The following MYO6 variants were observed in gnomAD, a reference collection of about 807,000 sequenced individuals.
MYO6 encodes myosin VI, also known as unconventional myosin-VI.
A neutral mutation model predicts 178.7 loss-of-function variants in MYO6; 74 were observed. The ratio of observed to expected loss-of-function variants is 0.41; its 90% CI spans 0.34 to 0.50. MYO6 has a LOEUF of 0.50. MYO6 is among the 20% of genes least tolerant of loss of function. The probability of loss-of-function intolerance (pLI) is 0.09; values close to 1 mark genes in which losing one functional copy is unlikely to be tolerated. For synonymous variants in MYO6, 477 were observed against 504.6 expected (o/e 0.95, Z 0.73); for missense variants, 1,330 against 1,547.4 (o/e 0.86, Z 2.36).
At chr6:75,845,020 A>C in intron 10 of MYO6, 43 bp downstream of exon 10, 2 of 1,472,960 alleles carry the variant, frequency 1.4e-6, no homozygotes, top group Non-Finnish European at 1.9e-6. Context: ...CTTAAAAAAA[A>C]ACTCATGCTG....
intron 25 of MYO6, among the ~76,000 whole-genome samples, chr6:75,889,609 C>T (rs1778743325): frequency 6.6e-6 from 1 of 152,152 alleles, no homozygotes; most frequent in African/African-American, 2.4e-5. Flanking sequence ...GACAGGGTTT[C>T]ACTATGTTGG....
Position 75,917,498 on chromosome 6 carries a change from A to G in MYO6, c.*2486A>G, listed in dbSNP as rs879780835. ...AAAAGGAAGTTACTCTAATCCACGT[A>G]TGTTAAGAGAATATTGAGTTTTCTT... On this transcript the variant is annotated 3_prime_UTR_variant, in exon 35 of 35. Coordinates refer to ENST00000369977, the MANE Select transcript of MYO6 (RefSeq NM_004999.4). The G allele has an allele frequency of 4.6e-5, 7 of 152,314 alleles. No individual in the cohort carries two copies. The highest frequency in any genetic ancestry group is 4.4e-5 in the Non-Finnish European group (3 of 68,040). 9.4% of individuals were successfully genotyped at this position (152,314 alleles called of 1,614,324 possible).
chr6:75,817,830 G>A (rs1562202100), intron 2 of MYO6, among the ~76,000 whole-genome samples, 166 bp downstream of exon 2: 1 of 152,104 alleles, frequency 6.6e-6, no homozygotes, highest in African/African-American at 2.4e-5. Context: ...AGAGGTATGT[G>A]CCCTAGGGAA....
chr6:75,844,456 T>A (rs1774536712), intron 9 of MYO6, among the ~76,000 whole-genome samples: 1 of 152,054 alleles, frequency 6.6e-6, no homozygotes, highest in Non-Finnish European at 1.5e-5. Context: ...ATTAAGAAAA[T>A]CAAGGATAGA....
intron 30 of MYO6, among the ~76,000 whole-genome samples, chr6:75,898,832 G>T (rs1290280005): frequency 6.6e-6 from 1 of 152,184 alleles, no homozygotes; most frequent in Non-Finnish European, 1.5e-5. Flanking sequence ...CATGACTCTT[G>T]AGGGGCTCTG....
At chr6:75,874,322 G>A (rs1777392568) in intron 20 of MYO6, among the ~76,000 whole-genome samples, 1 of 152,174 alleles carries the variant, frequency 6.6e-6, no homozygotes, top group Non-Finnish European at 1.5e-5. Context: ...AGACAAGACA[G>A]GATGGCACCA....
intron 20 of MYO6, among the ~76,000 whole-genome samples, chr6:75,873,877 C>A (rs1201113104): frequency 6.6e-6 from 1 of 152,162 alleles, no homozygotes; most frequent in Admixed American, 6.5e-5. Context: ...CTTCCTACCC[C>A]TCACCCTGCC....
chr6:75,895,300 G>A (rs932349858), intron 29 of MYO6, 40 bp downstream of exon 29: 2 of 1,533,526 alleles, frequency 1.3e-6, no homozygotes, highest in African/African-American at 2.7e-5. Context: ...ATAGGTTGTA[G>A]ATACTTTTTG....
intron 1 of MYO6, among the ~76,000 whole-genome samples, chr6:75,812,271 C>A (rs1562193844): frequency 6.6e-6 from 1 of 152,164 alleles, no homozygotes; most frequent in African/African-American, 2.4e-5. Flanking sequence ...AGTGATCCTC[C>A]CACTTCGGCT....
In MYO6 at chr6:75,841,283, G is replaced by C; in HGVS notation, c.721G>C (p.Glu241Gln). The change falls in exon 9 of 35, where the codon GAG (glutamate) becomes CAG (glutamine). Residue 241 changes from glutamate (E) to glutamine (Q), a missense_variant. By Grantham distance (29) the Glu-to-Gln change is conservative. Transcript: ENST00000369977. ...ATCTAGGATCTGTGTTCAAGGCAAA[G>C]AGGAAAGAAATTATCATATCTTTTA... ...EKSRICVQGK[E>Q]ERNYHIFYRL... is the part of the protein sequence containing the mutation. 1.2e-6 allele frequency: 2 copies of C among 1,613,934 alleles called. No individual in the cohort carries two copies. Among genetic ancestry groups the C allele is most frequent in the Non-Finnish European group, 1.7e-6 (2 of 1,179,806 alleles).
intron 23 of MYO6, among the ~76,000 whole-genome samples, chr6:75,884,378 C>T (rs2149353427): frequency 6.6e-6 from 1 of 152,272 alleles, no homozygotes; most frequent in East Asian, 1.9e-4. Context: ...TCAGGACATA[C>T]CTATTCACAT....
chr6:75,869,694 A>G (rs1776980809), intron 18 of MYO6, among the ~76,000 whole-genome samples: 1 of 152,230 alleles, frequency 6.6e-6, no homozygotes, highest in South Asian at 2.1e-4. Flanking sequence ...TAATACACTG[A>G]ACCACACCAC....
chr6:75,902,510 C>A (rs545005277), intron 30 of MYO6, among the ~76,000 whole-genome samples: 2 of 152,114 alleles, frequency 1.3e-5, no homozygotes, highest in Non-Finnish European at 2.9e-5. Context: ...AGTTTATTTG[C>A]GTAGAGTTGT....
At chr6:75,824,238 C>T (rs1422448932) in intron 3 of MYO6, among the ~76,000 whole-genome samples, 2 of 152,210 alleles carry the variant, frequency 1.3e-5, no homozygotes, top group African/African-American at 4.8e-5. Context: ...GCTTGTCTAA[C>T]TTACAAATTT....
At chr6:75,753,441 A>ATGTGTGTGTGTGTG (rs763065617) in intron 1 of MYO6, among the ~76,000 whole-genome samples, 1 of 140,424 alleles carries the variant, frequency 7.1e-6, no homozygotes, top group African/African-American at 2.7e-5. Context: ...TGATCTATAT[A>ATGTGTGTGTGTGTG]TGTGTGTGTG....
At position 75,886,982 on chromosome 6, in the gene MYO6, G is replaced by A; in HGVS notation, c.2646G>A (p.Met882Ile). 1.9e-6 allele frequency: 3 copies of A among 1,613,306 alleles called. No homozygotes were observed. The highest frequency in any genetic ancestry group is 1.3e-5 in the African/African-American group (1 of 75,012). Residue 882 changes from methionine (M) to isoleucine (I), a missense_variant, in exon 25 of 35, where the codon ATG becomes ATA. Physicochemically the swap from Met to Ile is conservative, Grantham distance 10 (BLOSUM62 1). Transcript: ENST00000369977. The stretch of plus-strand genomic sequence containing the variant: ...TGGAAATTTCTATTGATACTTTGAT[G>A]GCCAAAATTAAGGTATGTAATTTCA... ...KNLEISIDTL[M>I]AKIKSTMMTQ... is the part of the protein sequence containing the mutation.
intron 1 of MYO6, among the ~76,000 whole-genome samples, chr6:75,791,937 A>G (rs1768291409): frequency 6.6e-6 from 1 of 150,654 alleles, no homozygotes; most frequent in Non-Finnish European, 1.5e-5. Flanking sequence ...GTGGCAAAAT[A>G]TTTCTACAGT....
rs1258824144 is a variant in MYO6 at position 75,751,605 on chromosome 6, G to A, written c.-48+2182G>A. Reference sequence around the variant, plus strand: ...TGGATTTTTCCCTGTTTATGTTTACGTGGTCAAGTTTTAAAATAACAGTGG... The same window carrying A: ...TGGATTTTTCCCTGTTTATGTTTACATGGTCAAGTTTTAAAATAACAGTGG... On this transcript the variant is annotated intron_variant, in intron 1 of 34. Coordinates refer to ENST00000369977, the MANE Select transcript of MYO6 (RefSeq NM_004999.4). Among the ~76,000 whole-genome samples, 5 of 152,156 alleles carry A rather than the reference G, an allele frequency of 3.3e-5. No individual in the cohort carries two copies. In the East Asian group the frequency reaches 9.6e-4, roughly 29 times the overall value.
At chr6:75,908,368 T>C (rs1044809064) in intron 31 of MYO6, 128 bp from the exon 32 acceptor site, 2 of 817,036 alleles carry the variant, frequency 2.4e-6, no homozygotes, top group African/African-American at 1.7e-5. Flanking sequence ...ATAATTAGCT[T>C]ACTTTTGATT....
Sources: allele counts gnomAD v4.1 joint callset (sites outside exome capture counted in the v4.1 genomes callset), GRCh38; gene constraint gnomAD v4.1.1; transcripts MANE v1.5; gene names NCBI Gene and HGNC (gene_info 2026-07-23, HGNC 2026-07-21).